Variants in ARF1 observed in about 807,000 individuals in gnomAD.
The protein encoded by ARF1 is ARF GTPase 1.
A neutral mutation model predicts 18.0 loss-of-function variants in ARF1; 1 was observed. That is an observed-to-expected ratio of 0.06 (90% confidence interval 0.02 to 0.26). ARF1 has a LOEUF of 0.26. Among genes scored for constraint, ARF1 ranks in the 10% least tolerant of loss-of-function variants. The pLI is 1.00. For synonymous variants in ARF1, 112 were observed against 96.3 expected (o/e 1.16, Z -0.95); for missense variants, 73 against 247.2 (o/e 0.30, Z 4.73).
At chr1:228,083,797 G>T (rs1226552922) in intron 1 of ARF1, among the ~76,000 whole-genome samples, 1 of 152,214 alleles carries the variant, frequency 6.6e-6, no homozygotes, top group East Asian at 1.9e-4. Flanking sequence ...TAACCATTCC[G>T]ACGGCACCTC....
In ARF1 at chr1:228,082,962, C is replaced by G. The variant is rs2032261224; in HGVS notation, c.-38+197C>G. 6.6e-6 allele frequency: 1 copy of G among 152,500 alleles called. No homozygotes were observed. Among genetic ancestry groups the G allele is most frequent in the South Asian group, 1.9e-4 (1 of 5,156 alleles). 9.4% of individuals were successfully genotyped at this position (152,500 alleles called of 1,614,324 possible). ...GGGCCCGGCCGGAGTCGGGGCTGGGCGGACGGGCGGGTCGGTGAGCTCCTC... is the reference window on the plus strand; with the variant it reads ...GGGCCCGGCCGGAGTCGGGGCTGGGGGGACGGGCGGGTCGGTGAGCTCCTC... On this transcript the variant is annotated intron_variant, in intron 1 of 4. Coordinates refer to ENST00000272102, the MANE Select transcript of ARF1 (RefSeq NM_001658.4). This position sits in a 1 kb window ranked among gnomAD's most constrained non-coding sequence, Gnocchi z 6.1.
At chr1:228,094,475 G>A (rs1054295835) in intron 1 of ARF1, among the ~76,000 whole-genome samples, 7 of 151,918 alleles carry the variant, frequency 4.6e-5, no homozygotes, top group South Asian at 2.1e-4. Context: ...TTTTTCATGC[G>A]AACCTGTCAT....
chr1:228,090,764 C>G (rs781699480), intron 1 of ARF1: 2 of 152,300 alleles, frequency 1.3e-5, no homozygotes, highest in Admixed American at 1.3e-4. Flanking sequence ...GGCCAGGAAA[C>G]AGGGGTTTTA....
rs564696841 is a variant in ARF1 at position 228,094,481 on chromosome 1, G to C, written c.-37-2597G>C. The stretch of plus-strand genomic sequence containing the variant: ...ATGCTTGGGTTTTTCATGCGAACCT[G>C]TCATTATTAGTTTTTCCGCATTGCC... On this transcript the variant is annotated intron_variant, in intron 1 of 4. Transcript: ENST00000272102. 4.6e-5 allele frequency among the ~76,000 whole-genome samples: 7 copies of C among 152,176 alleles called. No homozygotes were observed. The East Asian group carries it at 1.2e-3, about 25-fold the overall frequency.
intron 1 of ARF1, among the ~76,000 whole-genome samples, chr1:228,095,365 T>G (rs2032707314): frequency 6.6e-6 from 1 of 152,134 alleles, no homozygotes; most frequent in Non-Finnish European, 1.5e-5. Flanking sequence ...ATTCTGGAAT[T>G]TCATGGCTCA....
At chr1:228,086,689 C>G (rs1391436630) in intron 1 of ARF1, among the ~76,000 whole-genome samples, 3 of 152,102 alleles carry the variant, frequency 2.0e-5, no homozygotes, top group Non-Finnish European at 4.4e-5. Context: ...CCTCATACAC[C>G]GCCCACTGCA....
At chr1:228,084,264 G>C (rs1376537549) in intron 1 of ARF1, among the ~76,000 whole-genome samples, 3 of 152,268 alleles carry the variant, frequency 2.0e-5, no homozygotes, top group Non-Finnish European at 4.4e-5. Flanking sequence ...GTCCAAAATT[G>C]AGAAGAATTG....
chr1:228,097,936 G>A lies in ARF1; in HGVS notation c.469G>A (p.Ala157Thr). The A allele has an allele frequency of 6.2e-7, 1 of 1,614,188 alleles. No individual in the cohort carries two copies. The change falls in exon 5 of 5, where the codon GCC becomes ACC. Residue 157 changes from alanine (A) to threonine (T), a missense_variant. Ala to Thr is a moderately conservative substitution (Grantham distance 58, BLOSUM62 0). This residue lies in a region of ARF1 where 48 missense variants were observed against 144.7 expected (regional missense o/e 0.33). Transcript: ENST00000272102. The surrounding 1 kb of genome is among the most constrained non-coding windows in gnomAD (Gnocchi z 8.1). ...SLRHRNWYIQ[A>T]TCATSGDGLY... is the part of the protein sequence containing the mutation. ...ACGCCACAGGAACTGGTACATTCAG[G>A]CCACCTGCGCCACCAGCGGCGACGG...
In ARF1 at chr1:228,082,942, C is replaced by G. The variant is rs1484178524; in HGVS notation, c.-38+177C>G. ...GACGGGCCGGGCTGAGGCTGGGGCC[C>G]GGCCGGAGTCGGGGCTGGGCGGACG... On this transcript the variant is annotated intron_variant, in intron 1 of 4. Transcript: ENST00000272102. The surrounding 1 kb of genome is among the most constrained non-coding windows in gnomAD (Gnocchi z 6.1). The G allele has an allele frequency of 2.0e-5, 3 of 152,356 alleles. No homozygotes were observed. Among genetic ancestry groups the G allele is most frequent in the Non-Finnish European group, 2.9e-5 (2 of 68,048 alleles). The allele number at this position is 152,356 out of a possible 1,614,324, so 9.4% of individuals were successfully genotyped here. A position where few individuals can be genotyped will look rare whatever the true frequency, so the allele number is the denominator to read the frequency against.
chr1:228,095,964 TC>T (rs1191386167), intron 1 of ARF1, among the ~76,000 whole-genome samples: 1 of 152,178 alleles, frequency 6.6e-6, no homozygotes, highest in Non-Finnish European at 1.5e-5. Flanking sequence ...GAGCAAAGTG[TC>T]CAAAGGACAC....
intron 1 of ARF1, among the ~76,000 whole-genome samples, chr1:228,095,588 A>G (rs370343608): frequency 5.9e-5 from 9 of 152,278 alleles, no homozygotes; most frequent in South Asian, 4.1e-4. Flanking sequence ...GTCCAAGACA[A>G]TTCTTCTTCC....
In ARF1 at chr1:228,097,008, G is replaced by A; in HGVS notation, c.-37-70G>A. On this transcript the variant is annotated intron_variant, in intron 1 of 4. Coordinates refer to ENST00000272102, the MANE Select transcript of ARF1 (RefSeq NM_001658.4). This position sits in a 1 kb window ranked among gnomAD's most constrained non-coding sequence, Gnocchi z 8.1. ...TGGGGTGAGGCAGTGGTGCATCCCT[G>A]GGTGGGTGGGTTCTGAGCAACCACT... 1 of 1,391,294 alleles carries A rather than the reference G, an allele frequency of 7.2e-7. No individual in the cohort carries two copies. Among genetic ancestry groups the A allele is most frequent in the Non-Finnish European group, 9.7e-7 (1 of 1,028,918 alleles). The allele number at this position is 1,391,294 out of a possible 1,614,324, so 86.2% of individuals were successfully genotyped here.
intron 1 of ARF1, among the ~76,000 whole-genome samples, chr1:228,084,276 G>A (rs555513672): frequency 6.6e-6 from 1 of 152,334 alleles, no homozygotes; most frequent in Non-Finnish European, 1.5e-5. Flanking sequence ...GAAGAATTGA[G>A]TAGTGTAAAT....
chr1:228,093,022 C>T (rs982056049), intron 1 of ARF1, among the ~76,000 whole-genome samples: 1 of 152,090 alleles, frequency 6.6e-6, no homozygotes, highest in East Asian at 1.9e-4. Context: ...ACTTTTTTTC[C>T]TCAGAGTTGG....
At position 228,091,745 on chromosome 1, in the gene ARF1, TCA is replaced by T. The variant is rs1190180895; in HGVS notation, c.-37-5332_-37-5331del. 5.9e-5 allele frequency among the ~76,000 whole-genome samples: 9 copies of T among 152,264 alleles called. No homozygotes were observed. The East Asian group carries it at 1.5e-3, about 26-fold the overall frequency. On this transcript the variant is annotated intron_variant, in intron 1 of 4. Transcript: ENST00000272102. Reference sequence around the variant, plus strand: ...ATAGTGACAAAATGTAATGCAGTGCTCAGTCACAGAAAAATGTCAGGCCTACA... The same window carrying T: ...ATAGTGACAAAATGTAATGCAGTGCTGTCACAGAAAAATGTCAGGCCTACA...
At position 228,099,208 on chromosome 1, in the gene ARF1, T is replaced by C. The variant is rs1325489184; in HGVS notation, c.*1195T>C. 2.0e-5 allele frequency: 3 copies of C among 152,718 alleles called. No individual in the cohort carries two copies. The highest frequency in any genetic ancestry group is 4.8e-5 in the African/African-American group (2 of 41,576). The allele number at this position is 152,718 out of a possible 1,614,324, so 9.5% of individuals were successfully genotyped here. ...CTATTAGAATAAAATCTCTTAACTA[T>C]TTCACCGGCTCTCCAGTGCTTCCAC... On this transcript the variant is annotated 3_prime_UTR_variant, in exon 5 of 5. Transcript: ENST00000272102.
chr1:228,087,185 C>A (rs973817956), intron 1 of ARF1, among the ~76,000 whole-genome samples: 1 of 152,206 alleles, frequency 6.6e-6, no homozygotes, highest in African/African-American at 2.4e-5. Flanking sequence ...CATGGCTAGA[C>A]ATGAGACATC....
chr1:228,085,185 A>AG (rs1399985489), intron 1 of ARF1, among the ~76,000 whole-genome samples: 1 of 152,264 alleles, frequency 6.6e-6, no homozygotes, highest in Non-Finnish European at 1.5e-5. Context: ...GATGGTTGGT[A>AG]GGGGCATTCT....
intron 1 of ARF1, among the ~76,000 whole-genome samples, chr1:228,095,806 A>G (rs1406046112): frequency 2.0e-5 from 3 of 152,170 alleles, no homozygotes; most frequent in South Asian, 2.1e-4. Context: ...GAGGGCAGGT[A>G]TTCAGTCTCT....
Sources: gnomAD v4.1 joint callset for allele counts (sites outside exome capture counted in the v4.1 genomes callset) on GRCh38, gnomAD v4.1.1 for gene constraint, gnomAD v4.1.1 regional missense constraint, Gnocchi (gnomAD v3.1) non-coding constraint, MANE v1.5 for transcripts, NCBI Gene and HGNC (gene_info 2026-07-23, HGNC 2026-07-21) for gene names.